Variants in CLSTN1 observed in about 807,000 individuals in gnomAD.
CLSTN1 encodes the protein calsyntenin-1.
Under a neutral mutation model 108.3 loss-of-function variants are expected in CLSTN1, and 28 were observed. That is an observed-to-expected ratio of 0.26 (90% confidence interval 0.19 to 0.35). The LOEUF (loss-of-function observed/expected upper bound fraction) is 0.35, where lower values mean the gene tolerates loss of function less well. Among genes scored for constraint, CLSTN1 ranks in the 10% least tolerant of loss-of-function variants. The pLI is 1.00. For synonymous variants in CLSTN1, 524 were observed against 534.9 expected, an observed-to-expected ratio of 0.98 and a Z score of 0.28; for missense variants, 1,157 against 1,302.6, an observed-to-expected ratio of 0.89 and a Z score of 1.72.
chr1:9,735,411 T>G (rs1650629822), intron 13 of CLSTN1, 56 bp downstream of exon 13: 1 of 1,611,468 alleles, frequency 6.2e-7, no homozygotes, highest in Non-Finnish European at 8.5e-7. Context: ...CTTAAAAACC[T>G]AAATATACAA....
intron 5 of CLSTN1, among the ~76,000 whole-genome samples, chr1:9,751,153 G>C (rs1358659043): frequency 6.6e-6 from 1 of 152,060 alleles, no homozygotes; most frequent in Non-Finnish European, 1.5e-5. Context: ...TCATTCAGAT[G>C]CATGTGGACT....
At chr1:9,769,177 G>A (rs1652543960) in intron 2 of CLSTN1, among the ~76,000 whole-genome samples, 1 of 150,982 alleles carries the variant, frequency 6.6e-6, no homozygotes, top group Non-Finnish European at 1.5e-5. Flanking sequence ...AGGAGGGAGG[G>A]AGGTAAGGAG....
intron 2 of CLSTN1, among the ~76,000 whole-genome samples, chr1:9,758,603 C>T (rs1278847274): frequency 1.3e-5 from 2 of 152,172 alleles, no homozygotes; most frequent in Admixed American, 6.6e-5. Flanking sequence ...CGTGAGTCAC[C>T]GCACCTGGCC....
At chr1:9,772,665 C>T (rs1652748606) in intron 2 of CLSTN1, among the ~76,000 whole-genome samples, 1 of 152,162 alleles carries the variant, frequency 6.6e-6, no homozygotes. Context: ...ACGGTTATTA[C>T]AGTATGAAAA....
intron 1 of CLSTN1, among the ~76,000 whole-genome samples, chr1:9,791,463 G>A (rs909586252): frequency 1.3e-5 from 2 of 151,404 alleles, no homozygotes; most frequent in Admixed American, 1.3e-4. Flanking sequence ...CGAACTTCTG[G>A]GCTCAAGCAA....
intron 2 of CLSTN1, among the ~76,000 whole-genome samples, chr1:9,771,568 T>G (rs1167716596): frequency 1.3e-5 from 2 of 151,976 alleles, no homozygotes; most frequent in Non-Finnish European, 2.9e-5. Context: ...GAGCTGAGAT[T>G]GCACCACTGC....
intron 1 of CLSTN1, among the ~76,000 whole-genome samples, chr1:9,791,304 C>T (rs1407762078): frequency 2.0e-5 from 3 of 151,464 alleles, no homozygotes; most frequent in Non-Finnish European, 4.4e-5. Flanking sequence ...AGGCTTTTTG[C>T]TCTGTTGCCC....
chr1:9,751,467 T>C lies in CLSTN1; in HGVS notation c.649+6A>G, dbSNP rs767755297. ...CTAGCTGAAAAGCCGGCTCCTCGAT[T>C]CTTACCATCTTTGTCAACAGTAAAG... On this transcript the variant is annotated splice_donor_region_variant and intron_variant, in intron 5 of 18. Coordinates refer to ENST00000377298, the MANE Select transcript of CLSTN1 (RefSeq NM_001009566.3). The C allele has an allele frequency of 6.2e-6, 10 of 1,613,982 alleles. No homozygotes were observed. The highest frequency in any genetic ancestry group is 7.6e-6 in the Non-Finnish European group (9 of 1,179,874).
intron 1 of CLSTN1, among the ~76,000 whole-genome samples, chr1:9,793,674 G>A (rs747536825): frequency 1.3e-4 from 19 of 151,456 alleles, no homozygotes; most frequent in Non-Finnish European, 2.4e-4. Flanking sequence ...TGTATGTCCC[G>A]CCTCGGGTGG....
chr1:9,752,284 A>G (rs2101111425), intron 4 of CLSTN1, among the ~76,000 whole-genome samples: 1 of 152,280 alleles, frequency 6.6e-6, no homozygotes, highest in African/African-American at 2.4e-5. Context: ...GTTATCAAGA[A>G]AATTAGGGTG....
At chr1:9,760,374 G>A (rs905274221) in intron 2 of CLSTN1, among the ~76,000 whole-genome samples, 2 of 152,088 alleles carry the variant, frequency 1.3e-5, no homozygotes, top group Non-Finnish European at 2.9e-5. Context: ...CCTTGCAACC[G>A]AGCCCATCAC....
intron 5 of CLSTN1, 68 bp from the exon 6 acceptor site, chr1:9,749,981 G>A (rs1651476136): frequency 7.3e-6 from 10 of 1,370,538 alleles, no homozygotes; most frequent in Middle Eastern, 1.8e-4. Context: ...TGTCCTAGGC[G>A]GAAAGACAAA....
At chr1:9,756,233 T>A (rs1651799703) in intron 3 of CLSTN1, among the ~76,000 whole-genome samples, 1 of 152,236 alleles carries the variant, frequency 6.6e-6, no homozygotes, top group Admixed American at 6.5e-5. Context: ...TCTCTGAAGT[T>A]CTATTAAACA....
intron 1 of CLSTN1, among the ~76,000 whole-genome samples, chr1:9,822,332 A>G (rs1475383411): frequency 6.6e-6 from 1 of 152,256 alleles, no homozygotes. Flanking sequence ...TAAAAGAAGT[A>G]TTCAAAGTTT....
At chr1:9,761,981 A>G (rs544486607) in intron 2 of CLSTN1, among the ~76,000 whole-genome samples, 1 of 152,332 alleles carries the variant, frequency 6.6e-6, no homozygotes, top group South Asian at 2.1e-4. Context: ...AGGAACCGCA[A>G]CAGTCCCACT....
chr1:9,799,766 A>C (rs12087051), intron 1 of CLSTN1, among the ~76,000 whole-genome samples: 34,289 of 150,808 alleles, frequency 0.23, 7,432 homozygotes, highest in African/African-American at 0.57. Context: ...CATGGTGAAA[A>C]CCCGTCTCTA....
Position 9,823,822 on chromosome 1 carries a change from G to T in CLSTN1, c.-89C>A. 2 of 567,272 alleles carry T rather than the reference G, an allele frequency of 3.5e-6. No homozygotes were observed. The highest frequency in any genetic ancestry group is 4.5e-6 in the Non-Finnish European group (2 of 442,748). 35.1% of individuals were successfully genotyped at this position (567,272 alleles called of 1,614,324 possible). On this transcript the variant is annotated 5_prime_UTR_variant, in exon 1 of 19. Transcript: ENST00000377298. This position sits in a 1 kb window ranked among gnomAD's most constrained non-coding sequence, Gnocchi z 6.3. ...TCGGGGCTCTAGGGGCCTGGGGCTAGCTGCTCCGCGGCGCGGGGAGCTCCG... is the reference window on the plus strand; with the variant it reads ...TCGGGGCTCTAGGGGCCTGGGGCTATCTGCTCCGCGGCGCGGGGAGCTCCG...
Position 9,762,290 on chromosome 1 carries a change from G to A in CLSTN1, c.215-5780C>T, listed in dbSNP as rs1004897023. Reference sequence around the variant, plus strand: ...CAGCCTGGTCAACATGGTGAAACCCGTCTCTACTAAAAATACAAAAATTAG... The same window carrying A: ...CAGCCTGGTCAACATGGTGAAACCCATCTCTACTAAAAATACAAAAATTAG... On this transcript the variant is annotated intron_variant, in intron 2 of 18. Transcript: ENST00000377298. 3.3e-5 allele frequency among the ~76,000 whole-genome samples: 5 copies of A among 152,062 alleles called. No homozygotes were observed. The East Asian group carries it at 7.7e-4, about 24-fold the overall frequency.
chr1:9,734,239 A>G lies in CLSTN1; in HGVS notation c.2111-97T>C. 7.9e-7 allele frequency: 1 copy of G among 1,260,706 alleles called. No individual in the cohort carries two copies. The allele number at this position is 1,260,706 out of a possible 1,614,324, so 78.1% of individuals were successfully genotyped here. ...CCCTGCCGGCTCACCCCAAACCTAC[A>G]TGGCTCTCGTAAGGACCAACGACAG... On this transcript the variant is annotated intron_variant, in intron 14 of 18. Transcript: ENST00000377298. The surrounding 1 kb of genome is among the most constrained non-coding windows in gnomAD (Gnocchi z 4.8).
Sources: allele counts gnomAD v4.1 joint callset (sites outside exome capture counted in the v4.1 genomes callset), GRCh38; gene constraint gnomAD v4.1.1; non-coding constraint Gnocchi (gnomAD v3.1); transcripts MANE v1.5; gene names NCBI Gene and HGNC (gene_info 2026-07-23, HGNC 2026-07-21).